Variants in LUZP2 observed in about 807,000 individuals in gnomAD.
LUZP2 encodes the protein leucine zipper protein 2.
In LUZP2, 52 loss-of-function variants were observed where a neutral mutation model predicts 51.6. The ratio of observed to expected loss-of-function variants is 1.01; its 90% CI spans 0.81 to 1.27. The LOEUF (loss-of-function observed/expected upper bound fraction) is 1.27. LUZP2 is among the 50% of genes most tolerant of loss of function. The pLI, the probability that LUZP2 is intolerant of heterozygous loss-of-function variation, is 0.00. For missense variants in LUZP2, 436 were observed against 395.4 expected (o/e 1.10, Z -0.87); for synonymous variants, 154 against 137.3 (o/e 1.12, Z -0.85).
At chr11:24,706,825 T>A (rs985183200) in intron 1 of LUZP2, among the ~76,000 whole-genome samples, 3 of 152,124 alleles carry the variant, frequency 2.0e-5, no homozygotes, top group Non-Finnish European at 2.9e-5. Flanking sequence ...TCTTTATTTT[T>A]TATTCCCTTT....
intron 5 of LUZP2, chr11:24,893,472 T>A (rs1018913489): frequency 3.3e-5 from 5 of 152,078 alleles, no homozygotes; most frequent in African/African-American, 4.8e-5. Context: ...TTTATTATGC[T>A]ATTTTGCATA....
At position 25,004,640 on chromosome 11, in the gene LUZP2, G is replaced by A. The variant is rs187338464; in HGVS notation, c.765+21347G>A. 4.9e-3 allele frequency among the ~76,000 whole-genome samples: 741 copies of A among 152,274 alleles called. 3 individuals carry two copies. Among genetic ancestry groups the A allele is most frequent in the Middle Eastern group, 0.01 (3 of 294 alleles). On this transcript the variant is annotated intron_variant, in intron 9 of 11. Transcript: ENST00000336930. ...TGTCTTAGGCCTCCCATAGCCAGTC[G>A]AGGAAAGTGGAAGGATTTTCTTCCT...
At chr11:25,015,359 T>C (rs1398487542) in intron 9 of LUZP2, among the ~76,000 whole-genome samples, 1 of 152,236 alleles carries the variant, frequency 6.6e-6, no homozygotes, top group African/African-American at 2.4e-5. Context: ...ACAAAGAAGT[T>C]AGCATTTGTA....
chr11:25,029,752 A>AAT (rs1336146991), intron 9 of LUZP2, among the ~76,000 whole-genome samples: 2 of 150,708 alleles, frequency 1.3e-5, no homozygotes, highest in Non-Finnish European at 3.0e-5. Context: ...AAAAAAAAAA[A>AAT]GTATAATTAT....
At chr11:24,657,773 A>C (rs1446138047) in intron 1 of LUZP2, among the ~76,000 whole-genome samples, 1 of 152,194 alleles carries the variant, frequency 6.6e-6, no homozygotes, top group Non-Finnish European at 1.5e-5. Context: ...AAGCATTCTT[A>C]TACACCATTA....
At chr11:24,834,623 C>T (rs1213338385) in intron 5 of LUZP2, among the ~76,000 whole-genome samples, 1 of 152,170 alleles carries the variant, frequency 6.6e-6, no homozygotes, top group Non-Finnish European at 1.5e-5. Context: ...AATGGTATTG[C>T]TGGGTCAAAT....
At chr11:24,636,843 G>T (rs932789152) in intron 1 of LUZP2, among the ~76,000 whole-genome samples, 2 of 151,888 alleles carry the variant, frequency 1.3e-5, no homozygotes, top group African/African-American at 4.8e-5. Context: ...TTTTTTACAT[G>T]AGGTAATATG....
In LUZP2 at chr11:24,991,394, G is replaced by GTATATATA. The variant is rs1327713711; in HGVS notation, c.765+8102_765+8103insATATATAT. Among the ~76,000 whole-genome samples the GTATATATA allele has an allele frequency of 4.4e-3, 479 of 109,328 alleles. 6 individuals are homozygous for GTATATATA. The highest frequency in any genetic ancestry group is 0.029 in the Admixed American group (276 of 9,530). The allele number at this position is 109,328 out of a possible 152,430, so 71.7% of individuals were successfully genotyped here. The stretch of plus-strand genomic sequence containing the variant: ...TATATATATGTGTGTGTGTGTGTGT[G>GTATATATA]TGTATATATATATATATATATATAT... On this transcript the variant is annotated intron_variant, in intron 9 of 11. Transcript: ENST00000336930.
At chr11:24,813,155 C>T (rs1236113113) in intron 5 of LUZP2, among the ~76,000 whole-genome samples, 1 of 152,140 alleles carries the variant, frequency 6.6e-6, no homozygotes, top group Non-Finnish European at 1.5e-5. Context: ...GTGATCATCT[C>T]CCATCTGATC....
At chr11:24,542,973 A>T (rs941582175) in intron 1 of LUZP2, among the ~76,000 whole-genome samples, 10 of 151,830 alleles carry the variant, frequency 6.6e-5, no homozygotes, top group South Asian at 2.1e-4. Context: ...AGGTGAAATG[A>T]GGACATGTGA....
At chr11:24,643,024 T>A (rs971116606) in intron 1 of LUZP2, among the ~76,000 whole-genome samples, 2 of 151,542 alleles carry the variant, frequency 1.3e-5, no homozygotes, top group Non-Finnish European at 2.9e-5. Context: ...AAGAAGAGGG[T>A]CTCTTTCAAG....
intron 7 of LUZP2, among the ~76,000 whole-genome samples, chr11:24,964,206 G>A (rs1025305924): frequency 1.3e-5 from 2 of 152,074 alleles, no homozygotes; most frequent in Non-Finnish European, 2.9e-5. Flanking sequence ...TTATCTCTTA[G>A]GATTAATGAG....
intron 4 of LUZP2, among the ~76,000 whole-genome samples, chr11:24,751,867 C>T (rs192219064): frequency 2.6e-5 from 4 of 151,912 alleles, no homozygotes; most frequent in Admixed American, 2.6e-4. Context: ...TAAATATACC[C>T]AAGGAGTTAA....
intron 1 of LUZP2, among the ~76,000 whole-genome samples, chr11:24,686,355 C>T (rs1856897168): frequency 6.6e-6 from 1 of 152,142 alleles, no homozygotes; most frequent in African/African-American, 2.4e-5. Context: ...GCATGTTGCT[C>T]ACAAGGCAGT....
chr11:24,788,897 T>C (rs1849327191), intron 5 of LUZP2, among the ~76,000 whole-genome samples: 1 of 152,120 alleles, frequency 6.6e-6, no homozygotes, highest in Non-Finnish European at 1.5e-5. Context: ...TGAAGGGCAA[T>C]CTCTTTACTT....
chr11:25,058,093 C>A (rs889966071), intron 10 of LUZP2, among the ~76,000 whole-genome samples: 3 of 151,338 alleles, frequency 2.0e-5, no homozygotes, highest in Admixed American at 2.0e-4. Context: ...TCATTCTGGG[C>A]TACATTCCAT....
chr11:24,520,333 G>A (rs1850604856), intron 1 of LUZP2, among the ~76,000 whole-genome samples: 1 of 152,024 alleles, frequency 6.6e-6, no homozygotes, highest in Non-Finnish European at 1.5e-5. Context: ...GGAAAAACAG[G>A]GAAGGATTTA....
At chr11:24,910,825 C>T (rs1487408851) in intron 6 of LUZP2, among the ~76,000 whole-genome samples, 1 of 152,142 alleles carries the variant, frequency 6.6e-6, no homozygotes, top group Non-Finnish European at 1.5e-5. Flanking sequence ...AGAGAGCCAC[C>T]GTCCTCCAGA....
chr11:24,621,508 A>G (rs1302341158), intron 1 of LUZP2, among the ~76,000 whole-genome samples: 1 of 152,190 alleles, frequency 6.6e-6, no homozygotes, highest in Admixed American at 6.5e-5. Context: ...TGAGAACACT[A>G]GCAACAAAGA....
Sources: gnomAD v4.1 joint callset for allele counts (sites outside exome capture counted in the v4.1 genomes callset) on GRCh38, gnomAD v4.1.1 for gene constraint, MANE v1.5 for transcripts, NCBI Gene and HGNC (gene_info 2026-07-23, HGNC 2026-07-21) for gene names.